The following FAF1 variants were observed in gnomAD, a reference collection of about 807,000 sequenced individuals.
FAF1 encodes Fas associated factor 1.
FAF1 carries 25 observed loss-of-function variants against 92.5 expected under a neutral mutation model. That is an observed-to-expected ratio of 0.27 (90% CI 0.20 to 0.38). FAF1 has a LOEUF of 0.38. Ranked by LOEUF, FAF1 falls within the 10% of genes least tolerant of loss-of-function variation. FAF1 has a pLI of 1.00. For missense variants in FAF1, 636 were observed against 793.3 expected, an observed-to-expected ratio of 0.80 and a Z score of 2.38; for synonymous variants, 234 against 273.2, an observed-to-expected ratio of 0.86 and a Z score of 1.42.
chr1:50,505,433 T>C (rs1171801055), intron 15 of FAF1, among the ~76,000 whole-genome samples: 2 of 152,120 alleles, frequency 1.3e-5, no homozygotes, highest in Non-Finnish European at 2.9e-5. Flanking sequence ...TTTGGGGGTG[T>C]GTGTATGTGA....
chr1:50,940,474 G>C (rs1233714758), intron 1 of FAF1, among the ~76,000 whole-genome samples: 1 of 152,090 alleles, frequency 6.6e-6, no homozygotes, highest in Non-Finnish European at 1.5e-5. Context: ...TGTCGTCTAA[G>C]CTGTTATCAA....
intron 6 of FAF1, among the ~76,000 whole-genome samples, chr1:50,720,823 T>A (rs1168935777): frequency 1.3e-5 from 2 of 152,182 alleles, no homozygotes; most frequent in African/African-American, 2.4e-5. Flanking sequence ...CTGAGAGACC[T>A]TTTATTTGTA....
At chr1:50,792,894 G>C (rs1661614026) in intron 3 of FAF1, among the ~76,000 whole-genome samples, 1 of 152,186 alleles carries the variant, frequency 6.6e-6, no homozygotes, top group Non-Finnish European at 1.5e-5. Context: ...TTAATGCACA[G>C]CATGGACAGA....
chr1:50,500,377 C>T (rs534936358), intron 15 of FAF1, among the ~76,000 whole-genome samples: 7 of 152,134 alleles, frequency 4.6e-5, no homozygotes, highest in African/African-American at 9.6e-5. Flanking sequence ...TCAACACATA[C>T]GTTTGACAAA....
At chr1:50,728,825 T>C (rs1016399170) in intron 6 of FAF1, among the ~76,000 whole-genome samples, 1 of 148,056 alleles carries the variant, frequency 6.8e-6, no homozygotes, top group South Asian at 2.1e-4. Context: ...AGAAAACTAG[T>C]GGAGAGTTTT....
At chr1:50,950,613 T>G (rs917034879) in intron 1 of FAF1, among the ~76,000 whole-genome samples, 1 of 152,222 alleles carries the variant, frequency 6.6e-6, no homozygotes, top group African/African-American at 2.4e-5. Context: ...ACAAGGTCCA[T>G]AAAACCAGTC....
At chr1:50,490,426 AGG>A (rs1318590794) in intron 17 of FAF1, among the ~76,000 whole-genome samples, 160 bp downstream of exon 17, 27 of 121,372 alleles carry the variant, frequency 2.2e-4, no homozygotes, top group Admixed American at 5.3e-4. Context: ...GAAGGAAGGA[AGG>A]AAGGAAGGAA....
intron 1 of FAF1, among the ~76,000 whole-genome samples, chr1:50,877,865 ACATAGTACTTGCTG>A (rs1644583372): frequency 6.6e-6 from 1 of 152,220 alleles, no homozygotes; most frequent in Non-Finnish European, 1.5e-5. Flanking sequence ...CTCTCAGAGC[ACATAGTACTTGCTG>A]CAAGAATTAT....
intron 1 of FAF1, among the ~76,000 whole-genome samples, chr1:50,866,790 T>C (rs543801836): frequency 1.3e-5 from 2 of 152,086 alleles, no homozygotes; most frequent in African/African-American, 4.8e-5. Flanking sequence ...TTCAATGCAA[T>C]TGCCATCAAA....
intron 4 of FAF1, among the ~76,000 whole-genome samples, chr1:50,784,782 TA>T (rs1386405848): frequency 6.6e-6 from 1 of 152,074 alleles, no homozygotes; most frequent in African/African-American, 2.4e-5. Flanking sequence ...CAAAACATAT[TA>T]CAAAGCTAGA....
chr1:50,859,243 G>A (rs1364887617), intron 1 of FAF1, among the ~76,000 whole-genome samples: 4 of 151,866 alleles, frequency 2.6e-5, no homozygotes, highest in African/African-American at 9.7e-5. Flanking sequence ...ATTCAACATA[G>A]TACTGGAAGT....
At chr1:50,605,705 CAT>C (rs1652345943) in intron 8 of FAF1, among the ~76,000 whole-genome samples, 1 of 152,056 alleles carries the variant, frequency 6.6e-6, no homozygotes, top group Non-Finnish European at 1.5e-5. Context: ...GGGAAAAGAA[CAT>C]ATTAAACACA....
intron 1 of FAF1, among the ~76,000 whole-genome samples, chr1:50,909,494 C>T (rs1307371547): frequency 2.0e-5 from 3 of 152,160 alleles, no homozygotes; most frequent in South Asian, 2.1e-4. Context: ...CCAGTCTTCT[C>T]GTCACTTTCA....
intron 1 of FAF1, among the ~76,000 whole-genome samples, chr1:50,878,735 T>C (rs1386791415): frequency 6.6e-6 from 1 of 152,184 alleles, no homozygotes; most frequent in East Asian, 1.9e-4. Context: ...AAAAACTAAC[T>C]AGCAACAAGT....
chr1:50,602,053 G>A (rs1652162139), intron 8 of FAF1, among the ~76,000 whole-genome samples: 1 of 152,062 alleles, frequency 6.6e-6, no homozygotes, highest in Non-Finnish European at 1.5e-5. Context: ...TAGCCCTAAT[G>A]GGCTATGATC....
chr1:50,670,489 C>A (rs1280163424), intron 7 of FAF1, among the ~76,000 whole-genome samples: 2 of 152,144 alleles, frequency 1.3e-5, no homozygotes, highest in African/African-American at 2.4e-5. Context: ...AACATAAAAA[C>A]AGACTATTGA....
chr1:50,554,881 G>A (rs1251725839), intron 13 of FAF1, among the ~76,000 whole-genome samples: 1 of 152,052 alleles, frequency 6.6e-6, no homozygotes, highest in Non-Finnish European at 1.5e-5. Flanking sequence ...ATATCATCTT[G>A]TTTTTCGTAT....
chr1:50,486,456 A>T (rs1009410478), intron 17 of FAF1, among the ~76,000 whole-genome samples: 5 of 151,488 alleles, frequency 3.3e-5, no homozygotes, highest in African/African-American at 1.2e-4. Flanking sequence ...CCATCCATCT[A>T]TTCATTAGTC....
intron 6 of FAF1, among the ~76,000 whole-genome samples, chr1:50,727,505 A>G (rs1658713407): frequency 6.6e-6 from 1 of 152,222 alleles, no homozygotes; most frequent in Non-Finnish European, 1.5e-5. Flanking sequence ...TGTTTCCGAC[A>G]CTTTTTTAGG....
Sources: gnomAD v4.1 joint callset for allele counts (sites outside exome capture counted in the v4.1 genomes callset) on GRCh38, gnomAD v4.1.1 for gene constraint, MANE v1.5 for transcripts, NCBI Gene and HGNC (gene_info 2026-07-23, HGNC 2026-07-21) for gene names.